SPOP: variants seen among roughly 807,000 people sequenced by gnomAD.
SPOP encodes speckle type BTB/POZ protein, also known as speckle-type POZ protein.
Under a neutral mutation model 45.6 loss-of-function variants are expected in SPOP, and 11 were observed. The ratio of observed to expected loss-of-function variants is 0.24; its 90% CI spans 0.15 to 0.40. The LOEUF is 0.40. SPOP is among the 10% of genes least tolerant of loss of function. The pLI is 1.00. For synonymous variants in SPOP, 166 were observed against 166.3 expected (o/e 1.00, Z 0.01); for missense variants, 152 against 465.6 (o/e 0.33, Z 6.20).
intron 1 of SPOP, among the ~76,000 whole-genome samples, chr17:49,657,696 CTTTTTTTTTT>C (rs34194099): frequency 9.9e-6 from 1 of 100,956 alleles, no homozygotes; most frequent in African/African-American, 3.4e-5. Flanking sequence ...CGCACCCGGC[CTTTTTTTTTT>C]TTTTTTTTTT....
chr17:49,614,758 CATTT>C (rs904093283), intron 5 of SPOP, among the ~76,000 whole-genome samples: 1 of 150,832 alleles, frequency 6.6e-6, no homozygotes, highest in African/African-American at 2.5e-5. Flanking sequence ...TGAATAGATT[CATTT>C]ATTTAAAATT....
intron 1 of SPOP, among the ~76,000 whole-genome samples, chr17:49,658,418 G>C (rs1453755206): frequency 6.6e-6 from 1 of 152,028 alleles, no homozygotes; most frequent in African/African-American, 2.4e-5. Flanking sequence ...CTCTTTTTAA[G>C]GATTCATGTG....
intron 1 of SPOP, among the ~76,000 whole-genome samples, chr17:49,630,016 C>A (rs2072420243): frequency 6.6e-6 from 1 of 152,110 alleles, no homozygotes; most frequent in Non-Finnish European, 1.5e-5. Flanking sequence ...TGGGAACAGA[C>A]CAGAGAATGG....
intron 8 of SPOP, chr17:49,602,288 G>A (rs890177136): frequency 3.5e-6 from 1 of 286,234 alleles, no homozygotes; most frequent in African/African-American, 2.2e-5. Context: ...TCTGCATCCT[G>A]AAGTTTACTC....
At chr17:49,626,364 G>T (rs1351870786) in intron 1 of SPOP, among the ~76,000 whole-genome samples, 2 of 151,712 alleles carry the variant, frequency 1.3e-5, no homozygotes, top group Admixed American at 1.3e-4. Context: ...AAGTATTTTT[G>T]GAATCTGCCT....
At chr17:49,630,475 C>T (rs546757193) in intron 1 of SPOP, among the ~76,000 whole-genome samples, 1 of 152,172 alleles carries the variant, frequency 6.6e-6, no homozygotes, top group Non-Finnish European at 1.5e-5. Flanking sequence ...TTTAGAGACA[C>T]TGCTTAAAAT....
At position 49,618,966 on chromosome 17, in the gene SPOP, A is replaced by C; in HGVS notation, c.480+15T>G. 1 of 1,609,300 alleles carries C rather than the reference A, an allele frequency of 6.2e-7. No homozygotes were observed. Among genetic ancestry groups the C allele is most frequent in the Non-Finnish European group, 8.5e-7 (1 of 1,177,924 alleles). ...ATCTGGGAACTGCTAGTCTCAGCAGAATACAAGGACTCACCTCGCAGAAGA... is the reference window on the plus strand; with the variant it reads ...ATCTGGGAACTGCTAGTCTCAGCAGCATACAAGGACTCACCTCGCAGAAGA... On this transcript the variant is annotated intron_variant, in intron 5 of 9. Transcript: ENST00000504102.
chr17:49,654,543 G>GT (rs1371632307), intron 1 of SPOP, among the ~76,000 whole-genome samples: 1 of 152,072 alleles, frequency 6.6e-6, no homozygotes, highest in Non-Finnish European at 1.5e-5. Flanking sequence ...GTAGCACTTT[G>GT]TGAGGCCGAG....
At chr17:49,647,916 C>G (rs973196322) in intron 1 of SPOP, among the ~76,000 whole-genome samples, 1 of 152,196 alleles carries the variant, frequency 6.6e-6, no homozygotes, top group Admixed American at 6.5e-5. Context: ...AAACCAGTGT[C>G]TTTCTCCACA....
At chr17:49,676,994 C>T (rs1011659682) in intron 1 of SPOP, among the ~76,000 whole-genome samples, 4 of 152,074 alleles carry the variant, frequency 2.6e-5, no homozygotes, top group Non-Finnish European at 4.4e-5. Flanking sequence ...CAATAAGGTA[C>T]AGATAAAATG....
chr17:49,646,009 G>GA (rs1009441927), intron 1 of SPOP: 10 of 152,008 alleles, frequency 6.6e-5, no homozygotes, highest in Admixed American at 6.5e-5. Context: ...AAATAAAGGG[G>GA]AAAAAACACA....
At chr17:49,629,245 A>T (rs921113624) in intron 1 of SPOP, among the ~76,000 whole-genome samples, 20 of 152,194 alleles carry the variant, frequency 1.3e-4, no homozygotes, top group African/African-American at 3.4e-4. Flanking sequence ...ATCTCAAAAA[A>T]AAAAATAAAA....
intron 1 of SPOP, among the ~76,000 whole-genome samples, chr17:49,640,189 G>C (rs964787441): frequency 6.6e-6 from 1 of 151,850 alleles, no homozygotes; most frequent in Admixed American, 6.6e-5. Context: ...GGAGGCAGAG[G>C]TTGCAGTGAG....
At chr17:49,618,260 A>G (rs2072133106) in intron 5 of SPOP, among the ~76,000 whole-genome samples, 1 of 151,820 alleles carries the variant, frequency 6.6e-6, no homozygotes, top group African/African-American at 2.4e-5. Flanking sequence ...TGAGCTTGTC[A>G]GTATTTCTAA....
chr17:49,670,471 A>T (rs1291307199), intron 1 of SPOP, among the ~76,000 whole-genome samples: 1 of 152,240 alleles, frequency 6.6e-6, no homozygotes, highest in Non-Finnish European at 1.5e-5. Context: ...AAGAAACTGA[A>T]ATATGAATTT....
chr17:49,600,210 C>T lies in SPOP; in HGVS notation c.*168G>A, dbSNP rs959068792. The T allele has an allele frequency of 2.3e-6, 2 of 866,260 alleles. No individual in the cohort carries two copies. The highest frequency in any genetic ancestry group is 3.6e-6 in the Non-Finnish European group (2 of 555,712). The allele number at this position is 866,260 out of a possible 1,614,324, so 53.7% of individuals were successfully genotyped here. A position where few individuals can be genotyped will look rare whatever the true frequency, so the allele number is the denominator to read the frequency against. Reference sequence around the variant, plus strand: ...CATTTCATTTTCCCTCCCCCCGTTTCCCCCAAGTTATTTAGTGCTGTTTTA... The same window carrying T: ...CATTTCATTTTCCCTCCCCCCGTTTTCCCCAAGTTATTTAGTGCTGTTTTA... On this transcript the variant is annotated 3_prime_UTR_variant, in exon 10 of 10. Transcript: ENST00000504102. The surrounding 1 kb of genome is among the most constrained non-coding windows in gnomAD (Gnocchi z 4.2).
At chr17:49,635,389 G>A (rs1223182726) in intron 1 of SPOP, among the ~76,000 whole-genome samples, 8 of 152,118 alleles carry the variant, frequency 5.3e-5, no homozygotes, top group South Asian at 2.1e-4. Context: ...AGATTAAAAT[G>A]CAATAACACC....
intron 1 of SPOP, among the ~76,000 whole-genome samples, chr17:49,651,026 T>G (rs1187345668): frequency 6.6e-6 from 1 of 152,180 alleles, no homozygotes; most frequent in Admixed American, 6.5e-5. Flanking sequence ...CAGCGGAGTT[T>G]AGAACAGTAC....
intron 1 of SPOP, among the ~76,000 whole-genome samples, chr17:49,624,668 TTTGCCATG>T (rs2072294080): frequency 6.6e-6 from 1 of 151,902 alleles, no homozygotes; most frequent in Admixed American, 6.6e-5. Context: ...GAGACAGGGT[TTTGCCATG>T]TTGCCCAGGC....
Sources: allele counts gnomAD v4.1 joint callset (sites outside exome capture counted in the v4.1 genomes callset), GRCh38; gene constraint gnomAD v4.1.1; non-coding constraint Gnocchi (gnomAD v3.1); transcripts MANE v1.5; gene names NCBI Gene and HGNC (gene_info 2026-07-23, HGNC 2026-07-21).